HP1BP3: variants seen among roughly 807,000 people sequenced by gnomAD.
HP1BP3 encodes heterochromatin protein 1 binding protein 3, also known as heterochromatin protein 1-binding protein 3.
A neutral mutation model predicts 62.5 loss-of-function variants in HP1BP3; 12 were observed. The ratio of observed to expected loss-of-function variants is 0.19; its 90% CI spans 0.12 to 0.31. The LOEUF is 0.31. HP1BP3 is among the 10% of genes least tolerant of loss of function. The pLI is 1.00. For missense variants in HP1BP3, 502 were observed against 651.8 expected (o/e 0.77, Z 2.50); for synonymous variants, 260 against 237.8 (o/e 1.09, Z -0.86).
chr1:20,757,989 C>G (rs890794908), intron 8 of HP1BP3, among the ~76,000 whole-genome samples: 1 of 151,710 alleles, frequency 6.6e-6, no homozygotes, highest in African/African-American at 2.4e-5. Flanking sequence ...ACTAAAAATA[C>G]AAAAAAATTA....
At chr1:20,770,873 G>A (rs1282678911) in intron 6 of HP1BP3, 57 bp downstream of exon 6, 9 of 1,330,028 alleles carry the variant, frequency 6.8e-6, no homozygotes, top group African/African-American at 1.5e-5. Flanking sequence ...GTTACTAACT[G>A]TAGACTTAAA....
At chr1:20,786,173 C>G (rs1171881563) in intron 1 of HP1BP3, 1 of 152,288 alleles carries the variant, frequency 6.6e-6, no homozygotes, top group Non-Finnish European at 1.5e-5. Context: ...ACCCTCAGAT[C>G]TGGGGCTCTC....
intron 6 of HP1BP3, among the ~76,000 whole-genome samples, chr1:20,769,489 TAG>T (rs1187665529): frequency 6.6e-6 from 1 of 152,098 alleles, no homozygotes; most frequent in African/African-American, 2.4e-5. Context: ...GCCCAGCAGG[TAG>T]AGAGTGCGGT....
At chr1:20,752,442 C>T (rs2055828869) in intron 9 of HP1BP3, among the ~76,000 whole-genome samples, 1 of 151,596 alleles carries the variant, frequency 6.6e-6, no homozygotes, top group Non-Finnish European at 1.5e-5. Context: ...CTACAGGCGC[C>T]CACCACACCT....
intron 9 of HP1BP3, among the ~76,000 whole-genome samples, chr1:20,751,254 G>A (rs1158529542): frequency 2.0e-5 from 3 of 151,670 alleles, no homozygotes; most frequent in Non-Finnish European, 4.4e-5. Flanking sequence ...TCAACAGTAG[G>A]CTATTAATAG....
intron 4 of HP1BP3, chr1:20,774,938 C>G (rs3135455): frequency 2.0e-5 from 3 of 150,704 alleles, no homozygotes; most frequent in Non-Finnish European, 4.4e-5. Context: ...GAGCCCAGAT[C>G]GCGCCACTGC....
chr1:20,760,785 G>A (rs1215957837), intron 8 of HP1BP3, among the ~76,000 whole-genome samples: 1 of 151,598 alleles, frequency 6.6e-6, no homozygotes, highest in Non-Finnish European at 1.5e-5. Context: ...GCAGTGAGCC[G>A]AGATCATGCC....
intron 8 of HP1BP3, among the ~76,000 whole-genome samples, chr1:20,764,652 C>G (rs2154540569): frequency 6.7e-6 from 1 of 148,560 alleles, no homozygotes; most frequent in South Asian, 2.1e-4. Flanking sequence ...AAGAGTTACT[C>G]TACCAGGATC....
At chr1:20,763,184 G>A (rs1486494532) in intron 8 of HP1BP3, among the ~76,000 whole-genome samples, 2 of 152,064 alleles carry the variant, frequency 1.3e-5, no homozygotes, top group East Asian at 1.9e-4. Context: ...AGAAGCAGAC[G>A]CCTGCACTAT....
chr1:20,760,496 TTGCCACTA>T (rs1404129543), intron 8 of HP1BP3, among the ~76,000 whole-genome samples: 1 of 151,828 alleles, frequency 6.6e-6, no homozygotes, highest in African/African-American at 2.4e-5. Context: ...AGCCACGATC[TTGCCACTA>T]TACTCCAGTC....
At position 20,742,952 on chromosome 1, in the gene HP1BP3, G is replaced by A. The variant is rs2055125754; in HGVS notation, c.*1845C>T. On this transcript the variant is annotated 3_prime_UTR_variant, in exon 13 of 13. Coordinates refer to ENST00000438032, the MANE Select transcript of HP1BP3 (RefSeq NM_001372052.1). ...GGCAGTACTCAAGGGGCCAGAAGATGTACTTCAAAAACTTTAAGACAATTA... is the reference window on the plus strand; with the variant it reads ...GGCAGTACTCAAGGGGCCAGAAGATATACTTCAAAAACTTTAAGACAATTA... 6.6e-6 allele frequency: 1 copy of A among 152,574 alleles called. No homozygotes were observed. Among genetic ancestry groups the A allele is most frequent in the African/African-American group, 2.4e-5 (1 of 41,440 alleles). 9.5% of individuals were successfully genotyped at this position (152,574 alleles called of 1,614,324 possible).
chr1:20,749,678 G>A (rs368876149), intron 10 of HP1BP3, 45 bp downstream of exon 10: 8 of 1,557,060 alleles, frequency 5.1e-6, no homozygotes, highest in Middle Eastern at 1.8e-4. Context: ...TTTTTCAAAA[G>A]AAAATTCTCC....
intron 6 of HP1BP3, among the ~76,000 whole-genome samples, chr1:20,769,419 G>A (rs1237109686): frequency 6.6e-6 from 1 of 152,040 alleles, no homozygotes; most frequent in East Asian, 1.9e-4. Flanking sequence ...TTAGCTGGGT[G>A]TGCTGGTGCA....
chr1:20,779,963 T>C, intron 2 of HP1BP3, 52 bp from the exon 3 acceptor site: 1 of 1,442,526 alleles, frequency 6.9e-7, no homozygotes, highest in Non-Finnish European at 9.6e-7. Context: ...TTCTCTTTTC[T>C]CTCTTTCTCA....
In HP1BP3 at chr1:20,741,981, G is replaced by A. The variant is rs1557625503; in HGVS notation, c.*2816C>T. Among the ~76,000 whole-genome samples the A allele has an allele frequency of 2.0e-5, 3 of 152,250 alleles. No homozygotes were observed. ...TCTTTGACAGTTGTGGATGTTCGTG[G>A]AAGAGTGCGATGACCTTCCTGTCTT... On this transcript the variant is annotated 3_prime_UTR_variant, in exon 13 of 13. Transcript: ENST00000438032.
At chr1:20,774,180 T>C (rs192763887) in intron 4 of HP1BP3, 21 of 152,350 alleles carry the variant, frequency 1.4e-4, no homozygotes, top group Admixed American at 1.3e-3. Context: ...CAGTACTCTG[T>C]GCACCTAATA....
intron 6 of HP1BP3, among the ~76,000 whole-genome samples, chr1:20,768,946 A>C (rs971296491): frequency 6.6e-6 from 1 of 152,236 alleles, no homozygotes; most frequent in African/African-American, 2.4e-5. Flanking sequence ...TTTAGGCATC[A>C]AACCAAGGGT....
intron 8 of HP1BP3, among the ~76,000 whole-genome samples, chr1:20,762,092 CTCTTT>C (rs1245648747): frequency 2.0e-5 from 3 of 152,164 alleles, no homozygotes; most frequent in Non-Finnish European, 4.4e-5. Context: ...ATTTTTCTTC[CTCTTT>C]TGTTTGGCCA....
chr1:20,782,765 T>C (rs923433259), intron 1 of HP1BP3, among the ~76,000 whole-genome samples: 6 of 150,672 alleles, frequency 4.0e-5, no homozygotes, highest in African/African-American at 1.5e-4. Flanking sequence ...CCGGGTGTGG[T>C]GGTGCGCGCC....
Sources: gnomAD v4.1 joint callset for allele counts (sites outside exome capture counted in the v4.1 genomes callset) on GRCh38, gnomAD v4.1.1 for gene constraint, MANE v1.5 for transcripts, NCBI Gene and HGNC (gene_info 2026-07-23, HGNC 2026-07-21) for gene names.